MALRD1: variants seen among roughly 807,000 people sequenced by gnomAD.
MALRD1 encodes the protein MAM and LDL receptor class A domain containing 1.
Under a neutral mutation model 242.1 loss-of-function variants are expected in MALRD1, and 247 were observed. The observed-to-expected ratio is 1.02, with a 90% CI of 0.92 to 1.13. MALRD1 has a LOEUF of 1.13. MALRD1 is among the 50% of genes most tolerant of loss of function. MALRD1 has a pLI of 0.00. For missense variants in MALRD1, 2,989 were observed against 2,533.1 expected (o/e 1.18, Z -3.86); for synonymous variants, 995 against 866.6 (o/e 1.15, Z -2.60).
At chr10:19,413,982 T>A (rs538604048) in intron 28 of MALRD1, among the ~76,000 whole-genome samples, 31 of 147,070 alleles carry the variant, frequency 2.1e-4, no homozygotes, top group African/African-American at 7.2e-4. Context: ...AAAAAAACAA[T>A]GATTTTTACC....
intron 39 of MALRD1, among the ~76,000 whole-genome samples, chr10:19,731,538 C>A (rs1181800651): frequency 1.3e-5 from 2 of 150,332 alleles, no homozygotes; most frequent in Non-Finnish European, 2.9e-5. Flanking sequence ...CATTTAGGAT[C>A]TCTCTTAGCA....
chr10:19,506,661 A>T (rs908398196), intron 31 of MALRD1, among the ~76,000 whole-genome samples: 13 of 152,132 alleles, frequency 8.5e-5, no homozygotes, highest in African/African-American at 2.9e-4. Flanking sequence ...TACATAAAAT[A>T]TATTTTCTAT....
At chr10:19,091,872 T>C (rs1189326350) in intron 4 of MALRD1, among the ~76,000 whole-genome samples, 2 of 88,414 alleles carry the variant, frequency 2.3e-5, no homozygotes, top group Non-Finnish European at 4.1e-5. Context: ...AGGAGCAGTT[T>C]GTTCAGTTTC....
intron 21 of MALRD1, among the ~76,000 whole-genome samples, chr10:19,320,473 A>G (rs980112623): frequency 6.6e-6 from 1 of 152,034 alleles, no homozygotes; most frequent in African/African-American, 2.4e-5. Flanking sequence ...TCTATCATTG[A>G]TGGGAATTTG....
At chr10:19,536,223 C>T (rs922646877) in intron 32 of MALRD1, among the ~76,000 whole-genome samples, 1 of 152,144 alleles carries the variant, frequency 6.6e-6, no homozygotes, top group Non-Finnish European at 1.5e-5. Context: ...AAGCCTTCCT[C>T]CTCTATCTTC....
At chr10:19,061,419 T>A (rs1834819154) in intron 1 of MALRD1, among the ~76,000 whole-genome samples, 1 of 152,264 alleles carries the variant, frequency 6.6e-6, no homozygotes, top group Non-Finnish European at 1.5e-5. Context: ...TCTGTAAAAG[T>A]AGTAAACTTT....
intron 38 of MALRD1, among the ~76,000 whole-genome samples, chr10:19,718,421 G>C (rs546877830): frequency 6.6e-6 from 1 of 152,286 alleles, no homozygotes; most frequent in South Asian, 2.1e-4. Flanking sequence ...CGTAGCAAGA[G>C]CAAGAGCAAA....
intron 13 of MALRD1, among the ~76,000 whole-genome samples, chr10:19,170,065 C>T (rs1026635457): frequency 1.3e-5 from 2 of 152,182 alleles, no homozygotes; most frequent in African/African-American, 4.8e-5. Context: ...AGCAAATAAG[C>T]ACCCCTAGTT....
intron 4 of MALRD1, among the ~76,000 whole-genome samples, chr10:19,103,231 T>C (rs773308702): frequency 1.3e-5 from 2 of 152,028 alleles, no homozygotes; most frequent in Non-Finnish European, 2.9e-5. Context: ...TGCAATAGGT[T>C]AGCATGAGGA....
intron 31 of MALRD1, among the ~76,000 whole-genome samples, chr10:19,528,365 C>G (rs191492652): frequency 3.9e-5 from 6 of 152,222 alleles, no homozygotes; most frequent in African/African-American, 1.4e-4. Context: ...GAAGCCGAGG[C>G]GGGCGGATCA....
At chr10:19,339,533 C>G (rs1247124965) in intron 24 of MALRD1, among the ~76,000 whole-genome samples, 1 of 152,126 alleles carries the variant, frequency 6.6e-6, no homozygotes, top group African/African-American at 2.4e-5. Flanking sequence ...TTTCAGTCTC[C>G]TATAACAGTT....
chr10:19,578,023 C>G (rs1054025353), intron 33 of MALRD1, among the ~76,000 whole-genome samples: 6 of 152,098 alleles, frequency 3.9e-5, no homozygotes, highest in Non-Finnish European at 8.8e-5. Context: ...TTTTCTGATT[C>G]CCTGGAACAC....
intron 28 of MALRD1, among the ~76,000 whole-genome samples, chr10:19,417,033 A>C (rs1833537464): frequency 6.6e-6 from 1 of 152,154 alleles, no homozygotes; most frequent in Non-Finnish European, 1.5e-5. Context: ...CCTTCTTGGA[A>C]GCCCTTTCTC....
rs1206724666 is a variant in MALRD1 at position 19,148,788 on chromosome 10, A to AAAAAATAT, written c.1558+2445_1558+2446insAAAATATA. Reference sequence around the variant, plus strand: ...AAGGGCCAATTAAAAAAAAAAAAAAAATATATATATATATATATATATCTG... The same window carrying AAAAAATAT: ...AAGGGCCAATTAAAAAAAAAAAAAAAAAAAATATATATATATATATATATATATATCTG... On this transcript the variant is annotated intron_variant, in intron 11 of 39. Coordinates refer to ENST00000454679, the MANE Select transcript of MALRD1 (RefSeq NM_001142308.3). Among the ~76,000 whole-genome samples, 7 of 88,042 alleles carry AAAAAATAT rather than the reference A, an allele frequency of 8.0e-5. No homozygotes were observed. In the South Asian group the frequency reaches 1.1e-3, roughly 14 times the overall value. The allele number at this position is 88,042 out of a possible 152,430, so 57.8% of individuals were successfully genotyped here.
At chr10:19,097,710 T>G (rs1253531605) in intron 4 of MALRD1, among the ~76,000 whole-genome samples, 1 of 152,204 alleles carries the variant, frequency 6.6e-6, no homozygotes, top group African/African-American at 2.4e-5. Flanking sequence ...ATGTTTACTG[T>G]TAAGGGACCA....
chr10:19,566,683 T>TTA (rs1009792634), intron 32 of MALRD1, among the ~76,000 whole-genome samples: 458 of 150,642 alleles, frequency 3.0e-3, no homozygotes, highest in African/African-American at 7.5e-3. Flanking sequence ...AGATAGTATT[T>TTA]TATATATATA....
At chr10:19,486,427 A>T (rs1345212080) in intron 29 of MALRD1, among the ~76,000 whole-genome samples, 1 of 152,114 alleles carries the variant, frequency 6.6e-6, no homozygotes, top group Non-Finnish European at 1.5e-5. Flanking sequence ...TTCCTGACTC[A>T]CTGTATTCCA....
At chr10:19,327,488 C>A in intron 22 of MALRD1, 75 bp from the exon 23 acceptor site, 1 of 1,143,858 alleles carries the variant, frequency 8.7e-7, no homozygotes, top group South Asian at 1.5e-5. Context: ...AAAAAAATCA[C>A]TGGAAGAATT....
At chr10:19,204,162 T>A (rs1446317808) in intron 15 of MALRD1, 146 bp from the exon 16 acceptor site, 1 of 671,466 alleles carries the variant, frequency 1.5e-6, no homozygotes, top group Non-Finnish European at 2.6e-6. Context: ...CAGAACAAAT[T>A]TGACTAAGAG....
Sources: allele counts gnomAD v4.1 joint callset (sites outside exome capture counted in the v4.1 genomes callset), GRCh38; gene constraint gnomAD v4.1.1; transcripts MANE v1.5; gene names NCBI Gene and HGNC (gene_info 2026-07-23, HGNC 2026-07-21).